Variants in TSHR observed in about 807,000 individuals in gnomAD.
TSHR encodes thyrotropin receptor.
A neutral mutation model predicts 64.1 loss-of-function variants in TSHR; 51 were observed. The ratio of observed to expected loss-of-function variants is 0.80; its 90% CI spans 0.64 to 1.01. TSHR has a LOEUF of 1.01. Ranked by LOEUF, TSHR falls within the 50% of genes least tolerant of loss-of-function variation. TSHR has a pLI of 0.00. For missense variants in TSHR, 877 were observed against 942.8 expected, an observed-to-expected ratio of 0.93 and a Z score of 0.91; for synonymous variants, 361 against 361.9, an observed-to-expected ratio of 1.00 and a Z score of 0.03.
intron 1 of TSHR, chr14:80,982,983 G>T: frequency 1.9e-6 from 1 of 534,868 alleles, no homozygotes; most frequent in Non-Finnish European, 3.4e-6. Flanking sequence ...ACTTACTTAA[G>T]TCAACTACTG....
At chr14:81,114,323 C>A (rs1429913411) in intron 8 of TSHR, among the ~76,000 whole-genome samples, 3 of 152,146 alleles carry the variant, frequency 2.0e-5, no homozygotes, top group Non-Finnish European at 4.4e-5. Context: ...TGGGTGCGTG[C>A]ACTGTGCGCG....
At chr14:80,964,998 A>C (rs1332931906) in intron 1 of TSHR, among the ~76,000 whole-genome samples, 1 of 152,240 alleles carries the variant, frequency 6.6e-6, no homozygotes, top group African/African-American at 2.4e-5. Flanking sequence ...AAGTAAGACG[A>C]AACTGTTTTA....
intron 8 of TSHR, among the ~76,000 whole-genome samples, chr14:81,128,692 C>T (rs1252900044): frequency 6.6e-6 from 1 of 152,140 alleles, no homozygotes; most frequent in African/African-American, 2.4e-5. Flanking sequence ...GGCATGTTCC[C>T]ACCTTAGGGG....
intron 8 of TSHR, among the ~76,000 whole-genome samples, chr14:81,131,043 C>T (rs1424850549): frequency 6.6e-6 from 1 of 151,002 alleles, no homozygotes; most frequent in Non-Finnish European, 1.5e-5. Flanking sequence ...CCGTCACCAT[C>T]TGGATGTCTA....
chr14:80,963,260 TA>T (rs913610032), intron 1 of TSHR, among the ~76,000 whole-genome samples: 33 of 152,330 alleles, frequency 2.2e-4, no homozygotes, highest in African/African-American at 7.5e-4. Flanking sequence ...TTTCCCAAGC[TA>T]AAAAATGTTT....
At chr14:81,047,664 C>CTTTTTTTTT (rs11462189) in intron 1 of TSHR, among the ~76,000 whole-genome samples, 9 of 135,484 alleles carry the variant, frequency 6.6e-5, no homozygotes, top group African/African-American at 2.2e-4. Flanking sequence ...TTCATTGGCT[C>CTTTTTTTTT]TTTTTTTTTT....
At chr14:81,069,209 T>G (rs1449177367) in intron 3 of TSHR, among the ~76,000 whole-genome samples, 1 of 151,746 alleles carries the variant, frequency 6.6e-6, no homozygotes, top group Non-Finnish European at 1.5e-5. Flanking sequence ...ATTATTTATA[T>G]AAGAAAAACA....
chr14:81,109,061 TG>T, intron 8 of TSHR: 1 of 1,088,140 alleles, frequency 9.2e-7, no homozygotes, highest in Non-Finnish European at 1.2e-6. Flanking sequence ...CTCATTCCCT[TG>T]GTTTTGCCTC....
At chr14:81,073,862 T>C (rs1887297989) in intron 3 of TSHR, among the ~76,000 whole-genome samples, 1 of 152,146 alleles carries the variant, frequency 6.6e-6, no homozygotes, top group Non-Finnish European at 1.5e-5. Flanking sequence ...ACAACAACAG[T>C]CTTCAAAATT....
chr14:81,143,525 G>A lies in TSHR; in HGVS notation c.1467G>A (p.Gln489=). The A allele has an allele frequency of 6.2e-7, 1 of 1,613,582 alleles. No individual in the cohort carries two copies. Among genetic ancestry groups the A allele is most frequent in the East Asian group, 2.2e-5 (1 of 44,880 alleles). ...ACTACAACCATGCCATCGACTGGCA[G>A]ACAGGCCCTGGGTGCAACACGGCTG... The part of the protein sequence containing the change: ...SEYYNHAIDW[Q]TGPGCNTAGF... Residue 489 remains glutamine, a synonymous_variant, in exon 10 of 10, where the codon CAG becomes CAA. Transcript: ENST00000298171.
rs200138601 is a variant in TSHR at position 81,143,632 on chromosome 14, T to C, written c.1574T>C (p.Phe525Ser). ...CTGGAGCGCTGGTATGCCATCACCTTCGCCATGCGCCTGGACCGGAAGATC... is the reference window on the plus strand; with the variant it reads ...CTGGAGCGCTGGTATGCCATCACCTCCGCCATGCGCCTGGACCGGAAGATC... ...ITLERWYAIT[F>S]AMRLDRKIRL... The change falls in exon 10 of 10, where the codon TTC (phenylalanine) becomes TCC (serine). Residue 525 changes from phenylalanine (F) to serine (S), a missense_variant. Phe to Ser is a radical substitution (Grantham distance 155). Transcript: ENST00000298171. The C allele has an allele frequency of 3.6e-5, 58 of 1,614,094 alleles. No homozygotes were observed. The East Asian group carries it at 1.1e-3, about 30-fold the overall frequency.
rs990478558 is a variant in TSHR at position 81,068,178 on chromosome 14, T to C, written c.243-76T>C. 5 of 1,424,428 alleles carry C rather than the reference T, an allele frequency of 3.5e-6. No individual in the cohort carries two copies. In the African/African-American group the frequency reaches 7.0e-5, roughly 20 times the overall value. The allele number at this position is 1,424,428 out of a possible 1,614,324, so 88.2% of individuals were successfully genotyped here. On this transcript the variant is annotated intron_variant, in intron 2 of 9. Transcript: ENST00000298171. ...ATCTGGGAAGCGCATAACAAAAAGT[T>C]ATGTCAAAAATAGTATGTTTGAAGT...
intron 1 of TSHR, chr14:80,982,595 A>T: frequency 1.1e-6 from 1 of 921,270 alleles, no homozygotes. Flanking sequence ...CAGCCTGTGG[A>T]TGAAATTAAT....
chr14:80,970,907 T>C (rs1005054618), intron 1 of TSHR, among the ~76,000 whole-genome samples: 5 of 152,196 alleles, frequency 3.3e-5, no homozygotes, highest in Admixed American at 2.0e-4. Flanking sequence ...TTAGCTTGGC[T>C]TGTGGCAACC....
intron 1 of TSHR, among the ~76,000 whole-genome samples, chr14:80,996,337 C>T (rs1278649864): frequency 6.6e-6 from 1 of 152,072 alleles, no homozygotes; most frequent in Non-Finnish European, 1.5e-5. Flanking sequence ...ATTTGGATTA[C>T]CTTTAAATGA....
Position 81,085,669 on chromosome 14 carries a change from C to G in TSHR, c.318-2285C>G, listed in dbSNP as rs558923375. Among the ~76,000 whole-genome samples, 4 of 152,304 alleles carry G rather than the reference C, an allele frequency of 2.6e-5. No homozygotes were observed. In the East Asian group the frequency reaches 7.7e-4, roughly 29 times the overall value. ...GCATTTTCTTTCACTCTGACGTTCT[C>G]TTAGACCACTCACTCAGGACTACTC... On this transcript the variant is annotated intron_variant, in intron 3 of 9. Coordinates refer to ENST00000298171, the MANE Select transcript of TSHR (RefSeq NM_000369.5).
intron 1 of TSHR, chr14:80,982,018 C>T: frequency 2.6e-6 from 1 of 390,238 alleles, no homozygotes. Flanking sequence ...GACAAGAGGC[C>T]AGGCCAAAGC....
At position 81,080,048 on chromosome 14, in the gene TSHR, G is replaced by A. The variant is rs536247232; in HGVS notation, c.318-7906G>A. 2.8e-4 allele frequency among the ~76,000 whole-genome samples: 43 copies of A among 152,072 alleles called. 1 individual carries two copies. Among genetic ancestry groups the A allele is most frequent in the South Asian group, 8.3e-4 (4 of 4,828 alleles). ...GCTCACTGCAACCTCCGCCTCCTGG[G>A]TTCAAGGGATTCTCCTGCCTCAGAC... is the stretch of plus-strand genomic sequence containing the variant. On this transcript the variant is annotated intron_variant, in intron 3 of 9. Coordinates refer to ENST00000298171, the MANE Select transcript of TSHR (RefSeq NM_000369.5).
At chr14:80,962,573 T>A (rs909890098) in intron 1 of TSHR, among the ~76,000 whole-genome samples, 1 of 152,212 alleles carries the variant, frequency 6.6e-6, no homozygotes, top group African/African-American at 2.4e-5. Flanking sequence ...TATTTCCAAG[T>A]AAAGTCACAT....
Sources: allele counts gnomAD v4.1 joint callset (sites outside exome capture counted in the v4.1 genomes callset), GRCh38; gene constraint gnomAD v4.1.1; transcripts MANE v1.5; gene names NCBI Gene and HGNC (gene_info 2026-07-23, HGNC 2026-07-21).